ARHGAP19: variants seen among roughly 807,000 people sequenced by gnomAD.
The protein encoded by ARHGAP19 is rho GTPase-activating protein 19.
ARHGAP19 carries 48 observed loss-of-function variants against 60.9 expected under a neutral mutation model. The observed-to-expected ratio is 0.79, with a 90% CI of 0.62 to 1.00. ARHGAP19 has a LOEUF of 1.00. Among genes scored for constraint, ARHGAP19 ranks in the 50% least tolerant of loss-of-function variants. ARHGAP19 has a pLI of 0.00. For synonymous variants in ARHGAP19, 209 were observed against 215.5 expected (o/e 0.97, Z 0.27); for missense variants, 562 against 597.2 (o/e 0.94, Z 0.61).
In ARHGAP19 at chr10:97,259,428, C is replaced by A. The variant is rs767220075; in HGVS notation, c.814G>T (p.Ala272Ser). 2 of 1,614,126 alleles carry A rather than the reference C, an allele frequency of 1.2e-6. No individual in the cohort carries two copies. Among genetic ancestry groups the A allele is most frequent in the Non-Finnish European group, 1.7e-6 (2 of 1,180,012 alleles). The change falls in exon 5 of 12, where the codon GCA becomes TCA. Residue 272 changes from alanine to serine, a missense_variant. By Grantham distance (99) the Ala-to-Ser change is moderately conservative (BLOSUM62 1). Transcript: ENST00000358531. ...MSAYNLALMF[A>S]PHVLWPKNVT... ...TTTTTTGGCCACAGGACATGGGGTG[C>A]AAACATAAGGGCAAGGTTATAGGCT...
At chr10:97,268,050 G>C (rs1272218447) in intron 1 of ARHGAP19, among the ~76,000 whole-genome samples, 3 of 152,068 alleles carry the variant, frequency 2.0e-5, no homozygotes, top group South Asian at 2.1e-4. Context: ...GCATTGTCAG[G>C]CTGCAAATTT....
At chr10:97,273,768 C>A (rs1842990062) in intron 1 of ARHGAP19, among the ~76,000 whole-genome samples, 1 of 152,098 alleles carries the variant, frequency 6.6e-6, no homozygotes, top group South Asian at 2.1e-4. Context: ...GGATTACAGG[C>A]ATGAGCCACC....
intron 1 of ARHGAP19, among the ~76,000 whole-genome samples, chr10:97,291,381 C>T (rs561249683): frequency 1.3e-5 from 2 of 152,282 alleles, no homozygotes; most frequent in African/African-American, 4.8e-5. Flanking sequence ...AATGCAATGG[C>T]GCATCTGGGC....
At chr10:97,241,105 G>T (rs1333033511) in intron 8 of ARHGAP19, among the ~76,000 whole-genome samples, 2 of 151,296 alleles carry the variant, frequency 1.3e-5, no homozygotes, top group Non-Finnish European at 2.9e-5. Flanking sequence ...TGGATCATTT[G>T]GGGTCAGGAG....
In ARHGAP19 at chr10:97,225,900, A is replaced by C. The variant is rs181857867; in HGVS notation, c.*222T>G. 3.2e-5 allele frequency: 18 copies of C among 557,148 alleles called. No homozygotes were observed. In the African/African-American group the frequency reaches 3.4e-4, roughly 10 times the overall value. The allele number at this position is 557,148 out of a possible 1,614,324, so 34.5% of individuals were successfully genotyped here. A position where few individuals can be genotyped will look rare whatever the true frequency, so the allele number is the denominator to read the frequency against. ...GTTAGTGGTTTCCCCATAATATTAA[A>C]AAAGAGAGACAGGGCCTAAGCACTC... On this transcript the variant is annotated 3_prime_UTR_variant, in exon 12 of 12. Coordinates refer to ENST00000358531, the MANE Select transcript of ARHGAP19 (RefSeq NM_032900.6).
chr10:97,286,256 G>T (rs751772694), intron 1 of ARHGAP19, among the ~76,000 whole-genome samples: 1 of 152,128 alleles, frequency 6.6e-6, no homozygotes, highest in Non-Finnish European at 1.5e-5. Context: ...CATTTTTCTC[G>T]AAGGAACACA....
intron 7 of ARHGAP19, among the ~76,000 whole-genome samples, chr10:97,245,589 C>T (rs547390611): frequency 8.7e-6 from 1 of 115,232 alleles, no homozygotes; most frequent in Non-Finnish European, 1.9e-5. Flanking sequence ...GAGCGAAACC[C>T]TATCTCAAAA....
At chr10:97,251,155 C>CAAGGGGAAGGG (rs1842640757) in intron 6 of ARHGAP19, among the ~76,000 whole-genome samples, 1 of 57,844 alleles carries the variant, frequency 1.7e-5, no homozygotes. Flanking sequence ...AGGGGAAAGC[C>CAAGGGGAAGGG]AAGGGGAAGG....
chr10:97,227,041 A>G (rs1850910475), intron 11 of ARHGAP19, among the ~76,000 whole-genome samples: 1 of 152,220 alleles, frequency 6.6e-6, no homozygotes, highest in Non-Finnish European at 1.5e-5. Context: ...AAAGGCCAGG[A>G]AGGCTGCTCA....
chr10:97,286,615 T>C (rs1440119794), intron 1 of ARHGAP19, among the ~76,000 whole-genome samples: 2 of 152,178 alleles, frequency 1.3e-5, no homozygotes, highest in African/African-American at 4.8e-5. Context: ...TCAGAAGTCA[T>C]GTTTACTAAC....
At chr10:97,267,437 A>G (rs1842912238) in intron 1 of ARHGAP19, among the ~76,000 whole-genome samples, 1 of 152,128 alleles carries the variant, frequency 6.6e-6, no homozygotes, top group African/African-American at 2.4e-5. Context: ...CTGTCAGTGG[A>G]TCTACAGTTC....
chr10:97,229,080 AATGCTACTGACTAG>A, intron 11 of ARHGAP19, 53 bp downstream of exon 11: 1 of 1,432,800 alleles, frequency 7.0e-7, no homozygotes, highest in Non-Finnish European at 9.9e-7. Context: ...AATTCAAACA[AATGCTACTGACTAG>A]ATGCAGAAAG....
rs201952422 is a variant in ARHGAP19 at position 97,270,566 on chromosome 10, G to A, written c.57-4441C>T. 38 of 1,509,364 alleles carry A rather than the reference G, an allele frequency of 2.5e-5. 1 individual carries two copies. In the East Asian group the frequency reaches 5.4e-4, roughly 21 times the overall value. The allele number at this position is 1,509,364 out of a possible 1,614,324, so 93.5% of individuals were successfully genotyped here. The stretch of plus-strand genomic sequence containing the variant: ...TACTCTACAATATTGTAAAACAAAC[G>A]AAATATACTAAAGTTCAAGAAAATA... On this transcript the variant is annotated intron_variant, in intron 1 of 11. Transcript: ENST00000358531.
At chr10:97,229,711 C>T (rs1850967455) in intron 10 of ARHGAP19, 53 bp downstream of exon 10, 14 of 1,378,754 alleles carry the variant, frequency 1.0e-5, no homozygotes, top group Non-Finnish European at 3.0e-6. Context: ...CAATTTTCCT[C>T]TTTTCTACAA....
At position 97,244,066 on chromosome 10, in the gene ARHGAP19, C is replaced by T. The variant is rs1842527733; in HGVS notation, c.1087G>A (p.Glu363Lys). The T allele has an allele frequency of 2.5e-6, 4 of 1,614,054 alleles. No individual in the cohort carries two copies. The highest frequency in any genetic ancestry group is 2.5e-6 in the Non-Finnish European group (3 of 1,180,004). Reference protein sequence around the residue: ...RNRVDSCPHQEETQHHTEEAL... With the variant: ...RNRVDSCPHQKETQHHTEEAL... ...TCTTCCGTATGGTGCTGGGTCTCCT[C>T]CTGGTGAGGGCAGGAATCTACCCGG... is the stretch of plus-strand genomic sequence containing the variant. Residue 363 changes from glutamate (E) to lysine (K), a missense_variant, in exon 8 of 12, where the codon GAG (glutamate) becomes AAG (lysine). By Grantham distance (56) the Glu-to-Lys change is moderately conservative. Transcript: ENST00000358531.
At position 97,256,366 on chromosome 10, in the gene ARHGAP19, T is replaced by A. The variant is rs1452386127; in HGVS notation, c.879A>T (p.Leu293Phe). 6.2e-7 allele frequency: 1 copy of A among 1,614,064 alleles called. No homozygotes were observed. The highest frequency in any genetic ancestry group is 8.5e-7 in the Non-Finnish European group (1 of 1,180,008). The change falls in exon 6 of 12, where the codon TTA (leucine) becomes TTT (phenylalanine). Residue 293 changes from leucine (L) to phenylalanine (F), a missense_variant. Leu to Phe is a conservative substitution (Grantham distance 22). Coordinates refer to ENST00000358531, the MANE Select transcript of ARHGAP19 (RefSeq NM_032900.6). ...ANDLQENITK[L>F]NSGMAFMIKH... ...TAATCATAAAAGCCATCCCACTGTT[T>A]AACTTTGTGATATTCTCCTGAAGGT...
intron 4 of ARHGAP19, among the ~76,000 whole-genome samples, chr10:97,261,114 G>GTTCTTCCCTAACAGACTAAAAAGGT (rs1842824958): frequency 6.6e-6 from 1 of 152,084 alleles, no homozygotes; most frequent in Non-Finnish European, 1.5e-5. Flanking sequence ...AGAATTATTG[G>GTTCTTCCCTAACAGACTAAAAAGGT]TTCTTCCCTA....
intron 8 of ARHGAP19, among the ~76,000 whole-genome samples, chr10:97,243,605 C>G (rs1464372487): frequency 6.6e-6 from 1 of 152,218 alleles, no homozygotes; most frequent in Non-Finnish European, 1.5e-5. Flanking sequence ...ATTGCTGTTA[C>G]TATTACCATT....
intron 9 of ARHGAP19, 92 bp from the exon 10 acceptor site, chr10:97,229,966 T>C (rs1027696197): frequency 2.1e-6 from 2 of 931,444 alleles, no homozygotes; most frequent in Non-Finnish European, 3.2e-6. Flanking sequence ...TGTCCTTGGG[T>C]TAAAAAAATC....
Sources: gnomAD v4.1 joint callset for allele counts (sites outside exome capture counted in the v4.1 genomes callset) on GRCh38, gnomAD v4.1.1 for gene constraint, MANE v1.5 for transcripts, NCBI Gene and HGNC (gene_info 2026-07-23, HGNC 2026-07-21) for gene names.